The following DNAH7 variants were observed in gnomAD, a reference collection of about 807,000 sequenced individuals.
The protein encoded by DNAH7 is axonemal beta dynein heavy chain 7.
Under a neutral mutation model 444.6 loss-of-function variants are expected in DNAH7, and 397 were observed. The ratio of observed to expected loss-of-function variants is 0.89; its 90% confidence interval spans 0.82 to 0.97. DNAH7 has a LOEUF of 0.97. Ranked by LOEUF, DNAH7 falls within the 50% of genes least tolerant of loss-of-function variation. DNAH7 has a pLI of 0.00. For synonymous variants in DNAH7, 1,636 were observed against 1,624.4 expected, an observed-to-expected ratio of 1.01 and a Z score of -0.17; for missense variants, 4,902 against 4,800.8, an observed-to-expected ratio of 1.02 and a Z score of -0.62.
rs1358945614 is a variant in DNAH7 at position 195,871,708 on chromosome 2, G to GACACCTACTTTGAAATATTCTATAA, written c.6633+541_6633+542insTTATAGAATATTTCAAAGTAGGTGT. The stretch of plus-strand genomic sequence containing the variant: ...GGATTAAACTACTTAAGGGAAGGCG[G>GACACCTACTTTGAAATATTCTATAA]ATCACGAGGTCAGGAGATCGAGACC... On this transcript the variant is annotated intron_variant, in intron 40 of 64. Transcript: ENST00000312428. Among the ~76,000 whole-genome samples, 89 of 130,568 alleles carry GACACCTACTTTGAAATATTCTATAA rather than the reference G, an allele frequency of 6.8e-4. 2 individuals are homozygous for GACACCTACTTTGAAATATTCTATAA. The highest frequency in any genetic ancestry group is 3.7e-3 in the Middle Eastern group (1 of 272). The allele number at this position is 130,568 out of a possible 152,430, so 85.7% of individuals were successfully genotyped here.
intron 9 of DNAH7, among the ~76,000 whole-genome samples, chr2:196,015,056 CG>C (rs1694932678): frequency 1.3e-5 from 2 of 152,028 alleles, no homozygotes; most frequent in Admixed American, 1.3e-4. Context: ...CCTACATTCT[CG>C]GGTGCGTCTG....
At chr2:195,856,900 G>A (rs1699746688) in intron 44 of DNAH7, among the ~76,000 whole-genome samples, 1 of 151,996 alleles carries the variant, frequency 6.6e-6, no homozygotes, top group Middle Eastern at 3.4e-3. Context: ...TTTGGTGTCT[G>A]GCTATCTCAC....
intron 16 of DNAH7, among the ~76,000 whole-genome samples, chr2:195,971,996 A>G (rs1156421008): frequency 2.0e-5 from 3 of 152,156 alleles, no homozygotes; most frequent in Non-Finnish European, 4.4e-5. Context: ...TTTTCACATT[A>G]TCTTGAAAAA....
intron 63 of DNAH7, among the ~76,000 whole-genome samples, chr2:195,752,194 C>A (rs544384977): frequency 1.3e-5 from 2 of 151,692 alleles, no homozygotes; most frequent in East Asian, 3.9e-4. Flanking sequence ...TCACTTGGGC[C>A]CAGGAGGTCA....
chr2:195,800,496 C>A (rs1696392101), intron 54 of DNAH7, among the ~76,000 whole-genome samples: 1 of 152,130 alleles, frequency 6.6e-6, no homozygotes, highest in Non-Finnish European at 1.5e-5. Context: ...AAAGAAAATT[C>A]AATATATAGC....
chr2:195,870,027 A>G (rs1700581172), intron 40 of DNAH7, among the ~76,000 whole-genome samples: 1 of 152,200 alleles, frequency 6.6e-6, no homozygotes, highest in South Asian at 2.1e-4. Context: ...CAATAGCACA[A>G]ACAACCTATT....
intron 12 of DNAH7, chr2:195,994,633 G>A (rs1326540223): frequency 3.6e-5 from 18 of 500,322 alleles, no homozygotes; most frequent in Admixed American, 7.2e-5. Context: ...CTTGCCAAAT[G>A]TATCTGTAGG....
chr2:195,806,653 T>A (rs1696725618), intron 54 of DNAH7, 87 bp downstream of exon 54: 30 of 1,092,650 alleles, frequency 2.7e-5, no homozygotes, highest in Non-Finnish European at 2.6e-6. Context: ...ACCTCCCCCA[T>A]GATTACATAA....
At chr2:195,903,072 G>A (rs1686802526) in intron 27 of DNAH7, 3 of 152,140 alleles carry the variant, frequency 2.0e-5, no homozygotes, top group South Asian at 4.1e-4. Flanking sequence ...AAATTCCAGT[G>A]CATGTAATCC....
chr2:195,855,843 T>C lies in DNAH7; in HGVS notation c.8563A>G (p.Asn2855Asp). Residue 2855 changes from asparagine to aspartate, a missense_variant, in exon 45 of 65, where the codon AAT becomes GAT. Asn to Asp is a conservative substitution (Grantham distance 23, BLOSUM62 1). Transcript: ENST00000312428. ...TCCAGGTCAGCCTTCTTTTGTTTAT[T>C]TAATTCAAGTGTGTCTTGAAGCCTG... ...LARLQDTLELNKQKKADLENQ... is the reference protein window; with the variant it reads ...LARLQDTLELDKQKKADLENQ... 6.2e-7 allele frequency: 1 copy of C among 1,613,904 alleles called. No individual in the cohort carries two copies. The highest frequency in any genetic ancestry group is 8.5e-7 in the Non-Finnish European group (1 of 1,179,880).
chr2:195,987,992 T>C lies in DNAH7; in HGVS notation c.1591A>G (p.Lys531Glu). The change falls in exon 13 of 65, where the codon AAA (lysine) becomes GAA (glutamate). Residue 531 changes from lysine (K) to glutamate (E), a missense_variant. By Grantham distance (56) the Lys-to-Glu change is moderately conservative. Coordinates refer to ENST00000312428, the MANE Select transcript of DNAH7 (RefSeq NM_018897.3). ...KIIDEICKYQ[K>E]LIEEIQYTSI... ...GTGTACTGTATTTCCTCTATTAGTT[T>C]CTGGTATTTGCAAATTTCATCTATT... 6.2e-7 allele frequency: 1 copy of C among 1,612,728 alleles called. No individual in the cohort carries two copies. The highest frequency in any genetic ancestry group is 8.5e-7 in the Non-Finnish European group (1 of 1,179,284).
intron 5 of DNAH7, among the ~76,000 whole-genome samples, chr2:196,036,710 A>T (rs950278158): frequency 6.6e-6 from 1 of 152,030 alleles, no homozygotes; most frequent in Non-Finnish European, 1.5e-5. Flanking sequence ...TGTGGCCGAC[A>T]CCAATAATCT....
intron 1 of DNAH7, among the ~76,000 whole-genome samples, chr2:196,061,352 A>AT (rs1698123172): frequency 6.6e-6 from 1 of 151,992 alleles, no homozygotes; most frequent in African/African-American, 2.4e-5. Flanking sequence ...CCTTTATCCT[A>AT]AGTTCCCCAC....
intron 3 of DNAH7, 102 bp from the exon 4 acceptor site, chr2:196,048,506 G>T: frequency 3.4e-6 from 3 of 894,942 alleles, no homozygotes; most frequent in South Asian, 1.6e-5. Context: ...TTCTCAAACA[G>T]ATCAGAACAT....
At chr2:196,000,028 A>G (rs992550376) in intron 12 of DNAH7, among the ~76,000 whole-genome samples, 12 of 152,314 alleles carry the variant, frequency 7.9e-5, no homozygotes, top group African/African-American at 2.9e-4. Flanking sequence ...GGTACCAGCA[A>G]TATTCTATCC....
At chr2:195,891,183 A>G (rs1226748817) in intron 31 of DNAH7, among the ~76,000 whole-genome samples, 3 of 152,182 alleles carry the variant, frequency 2.0e-5, no homozygotes, top group Middle Eastern at 3.2e-3. Flanking sequence ...TCTTTCTAAT[A>G]TGCTAAAGGA....
chr2:196,023,946 G>A (rs1014676871), intron 8 of DNAH7, among the ~76,000 whole-genome samples: 1 of 152,168 alleles, frequency 6.6e-6, no homozygotes, highest in Non-Finnish European at 1.5e-5. Context: ...TGACTGGTTG[G>A]TGGAGGAGTC....
At position 196,048,295 on chromosome 2, in the gene DNAH7, C is replaced by A. The variant is rs1298769593; in HGVS notation, c.250+1G>T. 2 of 1,609,440 alleles carry A rather than the reference C, an allele frequency of 1.2e-6. No homozygotes were observed. The highest frequency in any genetic ancestry group is 4.5e-5 in the East Asian group (2 of 44,854). On this transcript the variant is annotated splice_donor_variant, in intron 4 of 64. Transcript: ENST00000312428. LOFTEE classifies it high-confidence loss of function. The stretch of plus-strand genomic sequence containing the variant: ...CTAATTTAGAATATTGAAGTTCTTA[C>A]CATGGGACTGTTCATTTTTAACACT...
intron 49 of DNAH7, 27 bp from the exon 50 acceptor site, chr2:195,817,856 T>C (rs1697295676): frequency 3.3e-6 from 5 of 1,503,576 alleles, no homozygotes; most frequent in Middle Eastern, 1.7e-4. Context: ...ATACAAAAAT[T>C]ACATCATTAT....
Sources: gnomAD v4.1 joint callset for allele counts (sites outside exome capture counted in the v4.1 genomes callset) on GRCh38, gnomAD v4.1.1 for gene constraint, MANE v1.5 for transcripts, NCBI Gene and HGNC (gene_info 2026-07-23, HGNC 2026-07-21) for gene names.